The following SLC43A2 variants were observed in gnomAD, a reference collection of about 807,000 sequenced individuals.
The protein encoded by SLC43A2 is solute carrier family 43 member 2, also known as large neutral amino acids transporter small subunit 4.
SLC43A2 carries 38 observed loss-of-function variants against 63.2 expected under a neutral mutation model. The observed-to-expected ratio is 0.60, with a 90% CI of 0.46 to 0.79. The LOEUF (loss-of-function observed/expected upper bound fraction) is 0.79, where lower values mean the gene tolerates loss of function less well. Among genes scored for constraint, SLC43A2 ranks in the 30% least tolerant of loss-of-function variants. The pLI is 0.00. For missense variants in SLC43A2, 644 were observed against 756.2 expected (o/e 0.85, Z 1.74); for synonymous variants, 322 against 331.0 (o/e 0.97, Z 0.30).
intron 11 of SLC43A2, among the ~76,000 whole-genome samples, chr17:1,579,148 AAAT>A (rs754326569): frequency 3.7e-4 from 54 of 145,382 alleles, no homozygotes; most frequent in Middle Eastern, 3.5e-3. Flanking sequence ...CAAAAAAAAA[AAAT>A]AATAATAATA....
intron 4 of SLC43A2, 22 bp from the exon 5 acceptor site, chr17:1,613,293 G>C: frequency 1.2e-6 from 2 of 1,612,620 alleles, no homozygotes; most frequent in Non-Finnish European, 1.7e-6. Flanking sequence ...TGGAAAGCTC[G>C]TGAGTGGAGA....
intron 5 of SLC43A2, among the ~76,000 whole-genome samples, 173 bp downstream of exon 5, chr17:1,613,022 G>A (rs1157605071): frequency 1.3e-5 from 2 of 151,448 alleles, no homozygotes; most frequent in East Asian, 3.9e-4. Flanking sequence ...TGCTGCCTGT[G>A]GACCTCAGCT....
intron 5 of SLC43A2, chr17:1,603,168 T>C (rs8070038): frequency 0.96 from 146,395 of 152,246 alleles, 70,427 homozygotes; most frequent in Admixed American, 0.98. Flanking sequence ...CTCCTGGGCA[T>C]AGCCAACGAG....
intron 5 of SLC43A2, among the ~76,000 whole-genome samples, chr17:1,608,030 T>C (rs1024569527): frequency 1.3e-5 from 2 of 152,066 alleles, no homozygotes; most frequent in Non-Finnish European, 2.9e-5. Flanking sequence ...CAGTAGACCT[T>C]TTGGGCTTTA....
intron 11 of SLC43A2, among the ~76,000 whole-genome samples, chr17:1,579,567 C>T (rs751845311): frequency 5.3e-5 from 8 of 151,030 alleles, no homozygotes; most frequent in African/African-American, 7.3e-5. Context: ...TGGCCTGGTG[C>T]AGTGGCTCAC....
chr17:1,576,111 C>T (rs1187026472), intron 13 of SLC43A2, among the ~76,000 whole-genome samples: 1 of 137,066 alleles, frequency 7.3e-6, no homozygotes, highest in Non-Finnish European at 1.5e-5. Context: ...GACGAAGTCT[C>T]GCGCTGTCGT....
intron 5 of SLC43A2, among the ~76,000 whole-genome samples, chr17:1,612,496 A>G (rs1411453335): frequency 6.6e-6 from 1 of 152,248 alleles, no homozygotes; most frequent in Non-Finnish European, 1.5e-5. Flanking sequence ...AGGTTGAGGC[A>G]GTTCCACGGG....
At chr17:1,592,928 C>T (rs1904954364) in intron 6 of SLC43A2, among the ~76,000 whole-genome samples, 1 of 152,160 alleles carries the variant, frequency 6.6e-6, no homozygotes, top group South Asian at 2.1e-4. Flanking sequence ...ACAGACTCAC[C>T]CACCGCCCTT....
At chr17:1,585,685 G>C in intron 10 of SLC43A2, 1 of 1,469,744 alleles carries the variant, frequency 6.8e-7, no homozygotes, top group Non-Finnish European at 9.1e-7. Flanking sequence ...ACCGCACCTG[G>C]CCTCAAACTT....
chr17:1,599,338 CA>C (rs912980871), intron 5 of SLC43A2, among the ~76,000 whole-genome samples: 1 of 149,550 alleles, frequency 6.7e-6, no homozygotes, highest in Non-Finnish European at 1.5e-5. Context: ...GACTCTGTCT[CA>C]AAAAAAGAAA....
At position 1,615,799 on chromosome 17, in the gene SLC43A2, C is replaced by T. The variant is rs1305264631; in HGVS notation, c.368+763G>A. Among the ~76,000 whole-genome samples the T allele has an allele frequency of 5.5e-5, 8 of 146,250 alleles. No individual in the cohort carries two copies. The South Asian group carries it at 8.7e-4, about 16-fold the overall frequency. ...CGGAGCTCGCAGTGAGCCGAGATCG[C>T]GCCGCTGCACTCTAGCCTGGGCGAC... On this transcript the variant is annotated intron_variant, in intron 3 of 13. Coordinates refer to ENST00000301335, the MANE Select transcript of SLC43A2 (RefSeq NM_152346.3).
intron 5 of SLC43A2, among the ~76,000 whole-genome samples, chr17:1,601,743 A>T (rs943864230): frequency 6.7e-6 from 1 of 150,170 alleles, no homozygotes; most frequent in South Asian, 2.1e-4. Context: ...GTCCAAACCA[A>T]TGCAAAGGTG....
At position 1,591,670 on chromosome 17, in the gene SLC43A2, G is replaced by T. The variant is rs1427259219; in HGVS notation, c.624C>A (p.Ile208=). 7.1e-7 allele frequency: 1 copy of T among 1,412,626 alleles called. No individual in the cohort carries two copies. The highest frequency in any genetic ancestry group is 9.5e-7 in the Non-Finnish European group (1 of 1,056,878). The allele number at this position is 1,412,626 out of a possible 1,614,324, so 87.5% of individuals were successfully genotyped here. The part of the protein sequence containing the change: ...KLIYDAGVSF[I]VVLVVWAGCS... The stretch of plus-strand genomic sequence containing the variant: ...AGCCGGCCCAGACCACGAGGACGAC[G>T]ATGAAGGAGACACCAGCATCATAGA... Residue 208 remains isoleucine (I), a synonymous_variant, in exon 7 of 14, where the codon ATC becomes ATA. Transcript: ENST00000301335.
At chr17:1,594,862 A>G (rs1247601896) in intron 5 of SLC43A2, among the ~76,000 whole-genome samples, 7 of 151,802 alleles carry the variant, frequency 4.6e-5, no homozygotes, top group East Asian at 3.9e-4. Flanking sequence ...TGCTGGGATT[A>G]CAGGCGTGAG....
Position 1,585,932 on chromosome 17 carries a change from C to G in SLC43A2, c.1198G>C (p.Glu400Gln), listed in dbSNP as rs137987228. The G allele has an allele frequency of 8.7e-6, 14 of 1,613,598 alleles. No homozygotes were observed. The highest frequency in any genetic ancestry group is 1.3e-5 in the African/African-American group (1 of 74,946). ...KECEDASEEPEEKDANQGEKK... is the reference protein window; with the variant it reads ...KECEDASEEPQEKDANQGEKK... Reference sequence around the variant, plus strand: ...ACGCACTGGTTGGCGTCTTTCTCCTCGGGCTCCTCGGAGGCGTCTTCACAC... The same window carrying G: ...ACGCACTGGTTGGCGTCTTTCTCCTGGGGCTCCTCGGAGGCGTCTTCACAC... The change falls in exon 10 of 14, where the codon GAG (glutamate) becomes CAG (glutamine). Residue 400 changes from glutamate (E) to glutamine (Q), a missense_variant. Coordinates refer to ENST00000301335, the MANE Select transcript of SLC43A2 (RefSeq NM_152346.3).
intron 11 of SLC43A2, among the ~76,000 whole-genome samples, chr17:1,580,752 C>G (rs753485410): frequency 3.8e-4 from 52 of 137,198 alleles, no homozygotes; most frequent in Non-Finnish European, 6.5e-4. Context: ...TTTTTTGAGA[C>G]AAGGTCTCAC....
intron 5 of SLC43A2, among the ~76,000 whole-genome samples, chr17:1,603,513 G>A (rs12950544): frequency 0.16 from 24,568 of 151,930 alleles, 2,424 homozygotes; most frequent in Non-Finnish European, 0.22. Context: ...GGCCGGGCGC[G>A]GTGGCTCACA....
At position 1,593,396 on chromosome 17, in the gene SLC43A2, G is replaced by T; in HGVS notation, c.502-117C>A. On this transcript the variant is annotated intron_variant, in intron 5 of 13. Transcript: ENST00000301335. This position sits in a 1 kb window ranked among gnomAD's most constrained non-coding sequence, Gnocchi z 5.3. ...CTTCTTCACCTGCGCCCCTTCCTGT[G>T]TGACTCACAGGGGCATTAGTTCAGG... is the stretch of plus-strand genomic sequence containing the variant. The T allele has an allele frequency of 1.1e-6, 1 of 877,580 alleles. No homozygotes were observed. Among genetic ancestry groups the T allele is most frequent in the Non-Finnish European group, 1.8e-6 (1 of 544,588 alleles). The allele number at this position is 877,580 out of a possible 1,614,324, so 54.4% of individuals were successfully genotyped here.
chr17:1,582,271 G>A (rs1240948191), intron 11 of SLC43A2, among the ~76,000 whole-genome samples: 2 of 151,864 alleles, frequency 1.3e-5, no homozygotes, highest in Non-Finnish European at 2.9e-5. Flanking sequence ...GTAGAGACAG[G>A]GTTTCACCAA....
Sources: gnomAD v4.1 joint callset for allele counts (sites outside exome capture counted in the v4.1 genomes callset) on GRCh38, gnomAD v4.1.1 for gene constraint, Gnocchi (gnomAD v3.1) non-coding constraint, MANE v1.5 for transcripts, NCBI Gene and HGNC (gene_info 2026-07-23, HGNC 2026-07-21) for gene names.